Variants in OSBPL2 observed in about 807,000 individuals in gnomAD.
OSBPL2 encodes oxysterol-binding protein-related protein 2.
In OSBPL2, 18 loss-of-function variants were observed where a neutral mutation model predicts 58.4. That is an observed-to-expected ratio of 0.31 (90% confidence interval 0.21 to 0.46). OSBPL2 has a LOEUF of 0.46. Ranked by LOEUF, OSBPL2 falls within the 20% of genes least tolerant of loss-of-function variation. The pLI, the probability that OSBPL2 is intolerant of heterozygous loss-of-function variation, is 1.00. For synonymous variants in OSBPL2, 221 were observed against 234.1 expected, an observed-to-expected ratio of 0.94 and a Z score of 0.51; for missense variants, 461 against 616.5, an observed-to-expected ratio of 0.75 and a Z score of 2.67.
intron 12 of OSBPL2, among the ~76,000 whole-genome samples, chr20:62,290,120 A>G (rs1278285046): frequency 1.3e-5 from 2 of 152,208 alleles, no homozygotes; most frequent in African/African-American, 2.4e-5. Context: ...TGCAGCGTTC[A>G]TCTGTAACAT....
chr20:62,244,391 T>C (rs113479550), intron 1 of OSBPL2, among the ~76,000 whole-genome samples: 10,661 of 152,298 alleles, frequency 0.07, 455 homozygotes, highest in Non-Finnish European at 0.097. Flanking sequence ...GGGGGCTGGC[T>C]GGACTGCTGC....
chr20:62,260,398 G>A (rs1050641296), intron 3 of OSBPL2, among the ~76,000 whole-genome samples: 5 of 152,302 alleles, frequency 3.3e-5, no homozygotes, highest in African/African-American at 1.2e-4. Context: ...CTGCCCTCAG[G>A]AGTTGCTGTG....
At chr20:62,264,832 T>A (rs1981565396) in intron 4 of OSBPL2, 1 of 152,218 alleles carries the variant, frequency 6.6e-6, no homozygotes, top group Admixed American at 6.5e-5. Context: ...GCTCCTCCAC[T>A]TGGTGGCAGC....
In OSBPL2 at chr20:62,263,604, T is replaced by G. The variant is rs773173285; in HGVS notation, c.183-12T>G. 13 of 1,613,288 alleles carry G rather than the reference T, an allele frequency of 8.1e-6. No individual in the cohort carries two copies. The highest frequency in any genetic ancestry group is 2.2e-5 in the East Asian group (1 of 44,884). ...TGAATTCACCCACACGCACCCCTTT[T>G]GTGCTTCGCAGGACATCGCTGCCGG... On this transcript the variant is annotated splice_polypyrimidine_tract_variant and intron_variant, in intron 3 of 13. Transcript: ENST00000313733.
chr20:62,251,037 A>ATTTTTTTTTTTTTTTTT (rs35328509), intron 1 of OSBPL2, among the ~76,000 whole-genome samples: 1 of 97,810 alleles, frequency 1.0e-5, no homozygotes. Context: ...AGAGCAATAG[A>ATTTTTTTTTTTTTTTTT]TTTTTTTTTT....
At chr20:62,255,746 C>T (rs950833428) in intron 1 of OSBPL2, among the ~76,000 whole-genome samples, 4 of 152,312 alleles carry the variant, frequency 2.6e-5, no homozygotes, top group African/African-American at 9.6e-5. Context: ...TTCAAGTGAT[C>T]CGCCCACCTC....
At position 62,260,062 on chromosome 20, in the gene OSBPL2, A is replaced by G. The variant is rs1292491749; in HGVS notation, c.119A>G (p.Lys40Arg). The change falls in exon 3 of 14, where the codon AAA (lysine) becomes AGA (arginine). Residue 40 changes from lysine to arginine, a missense_variant. Coordinates refer to ENST00000313733, the MANE Select transcript of OSBPL2 (RefSeq NM_144498.4). The stretch of plus-strand genomic sequence containing the variant: ...GGAATGATTGACTTAGACACCAGCA[A>G]AAATAATAGGATTGGGAAAACTGGG... ...VTGMIDLDTS[K>R]NNRIGKTGER... is the part of the protein sequence containing the mutation. The G allele has an allele frequency of 6.2e-7, 1 of 1,613,992 alleles. No individual in the cohort carries two copies. The highest frequency in any genetic ancestry group is 1.1e-5 in the South Asian group (1 of 91,084).
chr20:62,249,633 G>T (rs1980388377), intron 1 of OSBPL2, among the ~76,000 whole-genome samples: 1 of 152,206 alleles, frequency 6.6e-6, no homozygotes, highest in South Asian at 2.1e-4. Context: ...GGAGTGCAGT[G>T]GCGCGATCTC....
chr20:62,290,862 C>G (rs1323093881), intron 12 of OSBPL2, among the ~76,000 whole-genome samples: 1 of 151,456 alleles, frequency 6.6e-6, no homozygotes. Flanking sequence ...CTCAGCCTCC[C>G]GAGTAGCTGG....
chr20:62,257,080 T>C (rs1466306625), intron 2 of OSBPL2, among the ~76,000 whole-genome samples: 1 of 152,256 alleles, frequency 6.6e-6, no homozygotes, highest in African/African-American at 2.4e-5. Context: ...GAATTAGTGA[T>C]GATCTTTAGA....
chr20:62,288,066 G>A lies in OSBPL2; in HGVS notation c.1126-1141G>A, dbSNP rs6061483. ...GGGTGTCTAGGGATTGCGTTTGGGC[G>A]GAGGGGACAGTCAGGGCAGAGACCC... On this transcript the variant is annotated intron_variant, in intron 11 of 13. Coordinates refer to ENST00000313733, the MANE Select transcript of OSBPL2 (RefSeq NM_144498.4). This position sits in a 1 kb window ranked among gnomAD's most constrained non-coding sequence, Gnocchi z 4.8. 0.027 allele frequency among the ~76,000 whole-genome samples: 4,037 copies of A among 152,238 alleles called. 163 individuals carry two copies. The highest frequency in any genetic ancestry group is 0.092 in the African/African-American group (3,799 of 41,514).
At chr20:62,282,855 T>C (rs1568849370) in intron 9 of OSBPL2, among the ~76,000 whole-genome samples, 1 of 152,202 alleles carries the variant, frequency 6.6e-6, no homozygotes, top group Non-Finnish European at 1.5e-5. Flanking sequence ...GTGTTTCTGC[T>C]CTGTCCACCC....
intron 7 of OSBPL2, 107 bp from the exon 8 acceptor site, chr20:62,280,951 C>T (rs1280286516): frequency 3.8e-6 from 3 of 780,008 alleles, no homozygotes; most frequent in Admixed American, 1.8e-5. Context: ...TGCTCTCCCG[C>T]GGGTGCCGGT....
chr20:62,281,930 C>T (rs776234799), intron 9 of OSBPL2, 51 bp downstream of exon 9: 44 of 1,264,084 alleles, frequency 3.5e-5, no homozygotes, highest in South Asian at 2.0e-4. Context: ...TGTGTGTCCA[C>T]GTTAGAAGGG....
At chr20:62,293,688 G>C (rs868296895) in intron 13 of OSBPL2, 97 bp from the exon 14 acceptor site, 3 of 1,016,262 alleles carry the variant, frequency 3.0e-6, no homozygotes, top group Non-Finnish European at 4.3e-6. Flanking sequence ...TACCGTGATG[G>C]TGCTGAGTTG....
In OSBPL2 at chr20:62,279,225, C is replaced by T; in HGVS notation, c.560C>T (p.Ser187Leu). 1.9e-6 allele frequency: 3 copies of T among 1,614,196 alleles called. No homozygotes were observed. The highest frequency in any genetic ancestry group is 1.3e-5 in the African/African-American group (1 of 75,060). The change falls in exon 7 of 14, where the codon TCG becomes TTG. Residue 187 changes from serine to leucine, a missense_variant. This residue lies in a region of OSBPL2 where 319 missense variants were observed against 419.2 expected (regional missense o/e 0.76). Transcript: ENST00000313733. The part of the protein sequence containing the change: ...SHHPPISAFH[S>L]EGLNHDFLFH... ...CACCCCCCCATCAGTGCGTTCCACT[C>T]GGAAGGTCTCAACCATGACTTCCTG...
intron 9 of OSBPL2, among the ~76,000 whole-genome samples, chr20:62,282,656 G>A (rs1426045409): frequency 1.3e-5 from 2 of 152,092 alleles, no homozygotes; most frequent in African/African-American, 4.8e-5. Flanking sequence ...GTAAAACCCC[G>A]TCTCTACTAA....
intron 6 of OSBPL2, among the ~76,000 whole-genome samples, chr20:62,276,066 G>A (rs953293191): frequency 3.9e-5 from 6 of 152,048 alleles, no homozygotes; most frequent in African/African-American, 9.7e-5. Flanking sequence ...ACAGGTGCAC[G>A]CCACCAGGCC....
intron 1 of OSBPL2, among the ~76,000 whole-genome samples, chr20:62,251,296 C>T (rs1430232924): frequency 2.6e-5 from 4 of 151,824 alleles, no homozygotes; most frequent in East Asian, 1.9e-4. Context: ...CCTCTTGATC[C>T]ACCCGCCTTG....
Sources: gnomAD v4.1 joint callset for allele counts (sites outside exome capture counted in the v4.1 genomes callset) on GRCh38, gnomAD v4.1.1 for gene constraint, gnomAD v4.1.1 regional missense constraint, Gnocchi (gnomAD v3.1) non-coding constraint, MANE v1.5 for transcripts, NCBI Gene and HGNC (gene_info 2026-07-23, HGNC 2026-07-21) for gene names.